Variants in ADAMTSL1 observed in about 807,000 individuals in gnomAD.
ADAMTSL1 encodes ADAMTS-like protein 1.
Under a neutral mutation model 201.8 loss-of-function variants are expected in ADAMTSL1, and 126 were observed. That is an observed-to-expected ratio of 0.62 (90% CI 0.54 to 0.72). The LOEUF is 0.72. Among genes scored for constraint, ADAMTSL1 ranks in the 30% least tolerant of loss-of-function variants. The probability of loss-of-function intolerance (pLI) is 0.00; values close to 1 mark genes in which losing one functional copy is unlikely to be tolerated. For missense variants in ADAMTSL1, 2,679 were observed against 2,277.8 expected (o/e 1.18, Z -3.59); for synonymous variants, 1,121 against 903.4 (o/e 1.24, Z -4.32).
chr9:18,030,442 C>G (rs904399115), intron 1 of ADAMTSL1, among the ~76,000 whole-genome samples: 1 of 151,952 alleles, frequency 6.6e-6, no homozygotes, highest in African/African-American at 2.4e-5. Context: ...GGTAGATATA[C>G]CTAATGTTAA....
intron 20 of ADAMTSL1, among the ~76,000 whole-genome samples, chr9:18,811,043 C>T (rs1554640394): frequency 1.5e-5 from 2 of 129,674 alleles, no homozygotes. Context: ...AAACAAACAC[C>T]AGCTAGAAAC....
chr9:18,675,911 C>T lies in ADAMTSL1; in HGVS notation c.1136+4C>T, dbSNP rs367808018. On this transcript the variant is annotated splice_donor_region_variant and intron_variant, in intron 10 of 28. Transcript: ENST00000380548. The stretch of plus-strand genomic sequence containing the variant: ...ACCTCTACCATCCCCTTCCTCGGTA[C>T]GTAAATCAATCATCCTGATGTTAGA... 40 of 1,612,154 alleles carry T rather than the reference C, an allele frequency of 2.5e-5. No individual in the cohort carries two copies. The Admixed American group carries it at 2.7e-4, about 11-fold the overall frequency.
intron 1 of ADAMTSL1, among the ~76,000 whole-genome samples, chr9:17,913,953 C>G (rs1266371227): frequency 6.6e-6 from 1 of 152,202 alleles, no homozygotes; most frequent in Non-Finnish European, 1.5e-5. Context: ...CACATACACC[C>G]TCCCAAGACT....
chr9:18,169,032 G>C (rs1245618797), intron 2 of ADAMTSL1, among the ~76,000 whole-genome samples: 1 of 139,694 alleles, frequency 7.2e-6, no homozygotes, highest in Non-Finnish European at 1.6e-5. Flanking sequence ...TTAGCCCTTT[G>C]TCAGATGAGT....
Position 18,680,256 on chromosome 9 carries a change from C to G in ADAMTSL1, c.1137-56C>G. On this transcript the variant is annotated intron_variant, in intron 10 of 28. Transcript: ENST00000380548. ...GGGGAGTGGGTTGGTGGACCAGTCA[C>G]TGAGGAGGCTTAGCAATGTGCATGT... is the stretch of plus-strand genomic sequence containing the variant. 8 of 1,549,810 alleles carry G rather than the reference C, an allele frequency of 5.2e-6. No individual in the cohort carries two copies. The South Asian group carries it at 9.3e-5, about 18-fold the overall frequency.
Position 18,684,771 on chromosome 9 carries a change from A to T in ADAMTSL1, c.1545A>T (p.Glu515Asp). ...LPWFKQAQEL[E>D]EGAAVSEEPS... ...GGTTCAAACAAGCTCAAGAGCTAGAAGAAGGAGCTGCTGTGTCAGAGGAGC... is the reference window on the plus strand; with the variant it reads ...GGTTCAAACAAGCTCAAGAGCTAGATGAAGGAGCTGCTGTGTCAGAGGAGC... Residue 515 changes from glutamate (E) to aspartate (D), a missense_variant, in exon 13 of 29, where the codon GAA (glutamate) becomes GAT (aspartate). Coordinates refer to ENST00000380548, the MANE Select transcript of ADAMTSL1 (RefSeq NM_001040272.6). 1.2e-6 allele frequency: 2 copies of T among 1,612,880 alleles called. No homozygotes were observed. Among genetic ancestry groups the T allele is most frequent in the Non-Finnish European group, 1.7e-6 (2 of 1,179,638 alleles).
intron 1 of ADAMTSL1, among the ~76,000 whole-genome samples, chr9:17,956,436 G>A (rs147265764): frequency 5.9e-5 from 9 of 152,252 alleles, no homozygotes; most frequent in East Asian, 1.9e-4. Context: ...GACATGTAAC[G>A]ATTAGAAATT....
rs1818403955 is a variant in ADAMTSL1, at chr9:18,517,097, T to C, written c.191+12141T>C. On this transcript the variant is annotated intron_variant, in intron 2 of 28. Coordinates refer to ENST00000380548, the MANE Select transcript of ADAMTSL1 (RefSeq NM_001040272.6). ...ATGGAAAAGTTGGACTTGATGTTGC[T>C]AAAACACATTTGTTTTTATTCTCAT... Among the ~76,000 whole-genome samples the C allele has an allele frequency of 4.6e-5, 7 of 152,242 alleles. No homozygotes were observed. In the South Asian group the frequency reaches 1.2e-3, roughly 27 times the overall value.
intron 1 of ADAMTSL1, among the ~76,000 whole-genome samples, chr9:17,978,603 C>T (rs1372954108): frequency 7.2e-5 from 11 of 152,010 alleles, no homozygotes; most frequent in African/African-American, 2.7e-4. Context: ...TATGTTTTTA[C>T]TGTCATAAAT....
intron 1 of ADAMTSL1, among the ~76,000 whole-genome samples, chr9:18,017,378 C>A (rs1285716285): frequency 2.6e-5 from 4 of 151,882 alleles, no homozygotes; most frequent in Admixed American, 6.6e-5. Flanking sequence ...CCAGACCCTG[C>A]TTTTAACACC....
intron 1 of ADAMTSL1, among the ~76,000 whole-genome samples, chr9:18,111,310 T>C (rs1001930328): frequency 2.0e-5 from 3 of 152,154 alleles, no homozygotes; most frequent in Admixed American, 6.6e-5. Context: ...AAAATAACTT[T>C]GCAGTGGGCA....
intron 2 of ADAMTSL1, among the ~76,000 whole-genome samples, chr9:18,250,709 G>T (rs549564732): frequency 1.3e-5 from 2 of 152,072 alleles, no homozygotes; most frequent in African/African-American, 4.8e-5. Flanking sequence ...TGCCTTGCTC[G>T]TGGAAGAGGG....
intron 2 of ADAMTSL1, among the ~76,000 whole-genome samples, chr9:18,167,943 A>C (rs1256574994): frequency 6.6e-6 from 1 of 152,024 alleles, no homozygotes; most frequent in East Asian, 1.9e-4. Context: ...TTCATTCAGC[A>C]CATTCCTGAC....
chr9:18,788,812 C>T (rs1821857940), intron 19 of ADAMTSL1, among the ~76,000 whole-genome samples: 1 of 151,634 alleles, frequency 6.6e-6, no homozygotes, highest in East Asian at 1.9e-4. Context: ...TCACTGTTTT[C>T]CAGCTCTAAC....
chr9:18,199,286 G>A (rs956773909), intron 2 of ADAMTSL1, among the ~76,000 whole-genome samples: 12 of 151,802 alleles, frequency 7.9e-5, no homozygotes, highest in African/African-American at 2.7e-4. Flanking sequence ...AAAAAGTACG[G>A]CTTCTCTGTT....
chr9:18,577,586 C>A (rs1220520492), intron 4 of ADAMTSL1, among the ~76,000 whole-genome samples: 10 of 152,134 alleles, frequency 6.6e-5, no homozygotes. Context: ...ATTTTTCAAT[C>A]TGTGGAAAAT....
chr9:18,626,728 C>T (rs1826377175), intron 5 of ADAMTSL1, among the ~76,000 whole-genome samples: 1 of 152,174 alleles, frequency 6.6e-6, no homozygotes, highest in African/African-American at 2.4e-5. Context: ...CCACAGATGA[C>T]AATGGCTTGG....
intron 2 of ADAMTSL1, among the ~76,000 whole-genome samples, chr9:18,406,472 G>T (rs1480837246): frequency 6.6e-6 from 1 of 151,974 alleles, no homozygotes; most frequent in African/African-American, 2.4e-5. Context: ...GGGATTACAG[G>T]CACACGTCAC....
intron 23 of ADAMTSL1, among the ~76,000 whole-genome samples, chr9:18,862,944 T>A (rs769041603): frequency 3.3e-5 from 5 of 152,216 alleles, no homozygotes; most frequent in African/African-American, 7.2e-5. Context: ...GAAGGACTTA[T>A]GGGAACCCTG....
Sources: allele counts gnomAD v4.1 joint callset (sites outside exome capture counted in the v4.1 genomes callset), GRCh38; gene constraint gnomAD v4.1.1; transcripts MANE v1.5; gene names NCBI Gene and HGNC (gene_info 2026-07-23, HGNC 2026-07-21).